The following LMBR1 variants were observed in gnomAD, a reference collection of about 807,000 sequenced individuals.
LMBR1 encodes limb region 1 protein homolog.
In LMBR1, 52 loss-of-function variants were observed where a neutral mutation model predicts 73.9. The observed-to-expected ratio is 0.70, with a 90% confidence interval of 0.56 to 0.89. The LOEUF (loss-of-function observed/expected upper bound fraction) is 0.89. Among genes scored for constraint, LMBR1 ranks in the 40% least tolerant of loss-of-function variants. LMBR1 has a pLI of 0.00. For synonymous variants in LMBR1, 215 were observed against 209.4 expected (o/e 1.03, Z -0.23); for missense variants, 539 against 579.8 (o/e 0.93, Z 0.72).
chr7:156,779,815 T>C, intron 5 of LMBR1: 1 of 495,982 alleles, frequency 2.0e-6, no homozygotes, highest in South Asian at 1.8e-5. Context: ...TCACAGAACA[T>C]TTAAAATAAA....
At chr7:156,871,827 C>A (rs1799337679) in intron 1 of LMBR1, among the ~76,000 whole-genome samples, 1 of 152,126 alleles carries the variant, frequency 6.6e-6, no homozygotes, top group Non-Finnish European at 1.5e-5. Flanking sequence ...AAGCCCACAG[C>A]TATCCTACTT....
intron 1 of LMBR1, among the ~76,000 whole-genome samples, chr7:156,843,616 C>T (rs6967606): frequency 0.04 from 6,087 of 152,068 alleles, 173 homozygotes; most frequent in Admixed American, 0.049. Flanking sequence ...GAGGCTAACG[C>T]AGTTGGATCA....
At chr7:156,764,790 G>A (rs1187349456) in intron 5 of LMBR1, among the ~76,000 whole-genome samples, 3 of 151,974 alleles carry the variant, frequency 2.0e-5, no homozygotes, top group Non-Finnish European at 4.4e-5. Context: ...TTAAAATCAC[G>A]GCACCCCAGT....
chr7:156,807,195 T>C (rs1832292285), intron 4 of LMBR1, among the ~76,000 whole-genome samples: 2 of 152,188 alleles, frequency 1.3e-5, no homozygotes, highest in East Asian at 1.9e-4. Context: ...ACTTTCAGTT[T>C]TCATGTATTG....
chr7:156,726,653 G>C (rs1180662953), intron 12 of LMBR1, among the ~76,000 whole-genome samples: 1 of 152,000 alleles, frequency 6.6e-6, no homozygotes, highest in Non-Finnish European at 1.5e-5. Flanking sequence ...ATAACTTTTT[G>C]ACAATCTTTT....
intron 8 of LMBR1, among the ~76,000 whole-genome samples, chr7:156,757,424 A>T (rs1822109129): frequency 6.6e-6 from 1 of 152,252 alleles, no homozygotes; most frequent in Admixed American, 6.5e-5. Flanking sequence ...CATACAAACC[A>T]AGTCAAACAA....
At chr7:156,858,710 A>G (rs560412331) in intron 1 of LMBR1, among the ~76,000 whole-genome samples, 4 of 152,356 alleles carry the variant, frequency 2.6e-5, no homozygotes, top group Non-Finnish European at 5.9e-5. Flanking sequence ...AGAATTATAT[A>G]CCACAACCAA....
At chr7:156,777,528 A>G (rs986067880) in intron 5 of LMBR1, among the ~76,000 whole-genome samples, 1 of 152,220 alleles carries the variant, frequency 6.6e-6, no homozygotes, top group Non-Finnish European at 1.5e-5. Context: ...CATAATTACC[A>G]AGGGGCCTGC....
chr7:156,743,286 G>C (rs773239686), intron 9 of LMBR1, among the ~76,000 whole-genome samples: 1 of 152,020 alleles, frequency 6.6e-6, no homozygotes, highest in Non-Finnish European at 1.5e-5. Flanking sequence ...ACTTAAGTCC[G>C]CTAAATTTTC....
At chr7:156,726,470 A>C (rs894983320) in intron 12 of LMBR1, among the ~76,000 whole-genome samples, 29 of 152,040 alleles carry the variant, frequency 1.9e-4, no homozygotes, top group Non-Finnish European at 3.2e-4. Context: ...TTAAAAAAAA[A>C]ACACAAAAAA....
chr7:156,750,061 T>C (rs1455819336), intron 9 of LMBR1, among the ~76,000 whole-genome samples: 1 of 152,200 alleles, frequency 6.6e-6, no homozygotes, highest in Non-Finnish European at 1.5e-5. Context: ...AAATCGTATC[T>C]AAAGAAACTG....
chr7:156,811,785 T>C (rs1417420948), intron 4 of LMBR1, among the ~76,000 whole-genome samples: 1 of 152,130 alleles, frequency 6.6e-6, no homozygotes, highest in African/African-American at 2.4e-5. Flanking sequence ...ACAAACCGAA[T>C]GGCTTCAAGC....
chr7:156,822,334 T>C (rs1834918089), intron 4 of LMBR1: 1 of 152,252 alleles, frequency 6.6e-6, no homozygotes, highest in African/African-American at 2.4e-5. Flanking sequence ...GACCTTGATA[T>C]GGTCATTTTA....
chr7:156,888,358 C>T (rs971408000), intron 1 of LMBR1, among the ~76,000 whole-genome samples: 11 of 147,690 alleles, frequency 7.4e-5, no homozygotes, highest in African/African-American at 1.8e-4. Flanking sequence ...TGCAGTGAGC[C>T]GAGATTGAGT....
At chr7:156,719,041 G>A (rs1478781934) in intron 15 of LMBR1, among the ~76,000 whole-genome samples, 1 of 151,782 alleles carries the variant, frequency 6.6e-6, no homozygotes, top group African/African-American at 2.4e-5. Flanking sequence ...GTGCAGGTTA[G>A]TTACATATGT....
At chr7:156,737,944 C>T (rs1818197636) in intron 9 of LMBR1, among the ~76,000 whole-genome samples, 1 of 152,124 alleles carries the variant, frequency 6.6e-6, no homozygotes, top group Non-Finnish European at 1.5e-5. Context: ...GAAGCCTCTA[C>T]CGATTGTCCC....
chr7:156,826,968 A>G (rs1835810951), intron 3 of LMBR1, among the ~76,000 whole-genome samples: 1 of 152,234 alleles, frequency 6.6e-6, no homozygotes, highest in African/African-American at 2.4e-5. Context: ...AGTAAGTCTA[A>G]CAAATAGTAC....
chr7:156,723,059 T>C (rs540826036), intron 15 of LMBR1, among the ~76,000 whole-genome samples: 1 of 152,242 alleles, frequency 6.6e-6, no homozygotes, highest in East Asian at 1.9e-4. Flanking sequence ...TCAAAACAAT[T>C]ACAAGTCCTA....
chr7:156,671,898 T>C (rs1415027382), intron 4 of LMBR1, among the ~76,000 whole-genome samples: 1 of 152,176 alleles, frequency 6.6e-6, no homozygotes, highest in Non-Finnish European at 1.5e-5. Context: ...CTAAATAACG[T>C]ATTAATCGAA....
Sources: allele counts gnomAD v4.1 joint callset (sites outside exome capture counted in the v4.1 genomes callset), GRCh38; gene constraint gnomAD v4.1.1; transcripts MANE v1.5; gene names NCBI Gene and HGNC (gene_info 2026-07-23, HGNC 2026-07-21).